The following ARHGEF26 variants were observed in gnomAD, a reference collection of about 807,000 sequenced individuals.
ARHGEF26 encodes the protein Rho guanine nucleotide exchange factor 26.
A neutral mutation model predicts 89.4 loss-of-function variants in ARHGEF26; 59 were observed. The ratio of observed to expected loss-of-function variants is 0.66; its 90% CI spans 0.54 to 0.82. The LOEUF is 0.82. Ranked by LOEUF, ARHGEF26 falls within the 40% of genes least tolerant of loss-of-function variation. The pLI, the probability that ARHGEF26 is intolerant of heterozygous loss-of-function variation, is 0.00. For missense variants in ARHGEF26, 1,234 were observed against 1,085.6 expected (o/e 1.14, Z -1.92); for synonymous variants, 500 against 428.4 (o/e 1.17, Z -2.06).
chr3:154,175,082 A>C (rs1350571903), intron 6 of ARHGEF26, among the ~76,000 whole-genome samples: 1 of 152,172 alleles, frequency 6.6e-6, no homozygotes, highest in African/African-American at 2.4e-5. Flanking sequence ...AAAAAATTGA[A>C]TTTACCATTC....
At chr3:154,162,038 G>C (rs1158576695) in intron 6 of ARHGEF26, among the ~76,000 whole-genome samples, 1 of 152,202 alleles carries the variant, frequency 6.6e-6, no homozygotes, top group Admixed American at 6.5e-5. Flanking sequence ...GGTTGGGACA[G>C]ACTAAAGTGT....
intron 6 of ARHGEF26, among the ~76,000 whole-genome samples, chr3:154,160,367 A>G (rs1711584456): frequency 1.3e-5 from 2 of 152,174 alleles, no homozygotes; most frequent in African/African-American, 4.8e-5. Context: ...CCTTTGGATA[A>G]GACCTCAGGA....
At chr3:154,230,316 G>C (rs1012832382) in intron 11 of ARHGEF26, among the ~76,000 whole-genome samples, 4 of 152,186 alleles carry the variant, frequency 2.6e-5, no homozygotes, top group Non-Finnish European at 5.9e-5. Flanking sequence ...GAGGAAAAGA[G>C]AGATAAAATA....
At chr3:154,198,895 G>C (rs1576767019) in intron 9 of ARHGEF26, among the ~76,000 whole-genome samples, 1 of 152,130 alleles carries the variant, frequency 6.6e-6, no homozygotes, top group East Asian at 1.9e-4. Flanking sequence ...TTATAGATAA[G>C]TAGATACAAA....
At chr3:154,193,742 C>G (rs1228375235) in intron 8 of ARHGEF26, among the ~76,000 whole-genome samples, 1 of 152,104 alleles carries the variant, frequency 6.6e-6, no homozygotes, top group Non-Finnish European at 1.5e-5. Context: ...CGTGAATTGA[C>G]CCTGTTTGAC....
chr3:154,121,282 G>T (rs1717876468), upstream of ARHGEF26: 1 of 152,470 alleles, frequency 6.6e-6, no homozygotes, highest in African/African-American at 2.4e-5. Flanking sequence ...TTGTAGGCAC[G>T]CGGGGGCGGG....
chr3:154,208,072 A>G (rs573819068), intron 9 of ARHGEF26, among the ~76,000 whole-genome samples: 5 of 152,290 alleles, frequency 3.3e-5, no homozygotes, highest in South Asian at 2.1e-4. Flanking sequence ...GGGGGAAACA[A>G]CATACACTGG....
intron 9 of ARHGEF26, among the ~76,000 whole-genome samples, chr3:154,203,936 C>A (rs1371976196): frequency 6.6e-6 from 1 of 150,874 alleles, no homozygotes; most frequent in African/African-American, 2.4e-5. Context: ...TAATATTAAT[C>A]ATAGATATTG....
intron 11 of ARHGEF26, among the ~76,000 whole-genome samples, chr3:154,229,444 G>C (rs1716698563): frequency 1.3e-5 from 2 of 152,198 alleles, no homozygotes; most frequent in South Asian, 2.1e-4. Flanking sequence ...GGTTCTACCA[G>C]ATTTCAAAAG....
chr3:154,229,570 T>C (rs12485755), intron 11 of ARHGEF26, among the ~76,000 whole-genome samples: 18,227 of 152,172 alleles, frequency 0.12, 1,889 homozygotes, highest in East Asian at 0.53. Flanking sequence ...CTTGGCACGA[T>C]TGACATTTTG....
At chr3:154,198,495 T>C (rs1714423058) in intron 9 of ARHGEF26, among the ~76,000 whole-genome samples, 1 of 152,046 alleles carries the variant, frequency 6.6e-6, no homozygotes, top group Non-Finnish European at 1.5e-5. Flanking sequence ...CATCAACCAA[T>C]GAATGGGTAA....
At chr3:154,121,815 G>T (rs1276089745) in intron 1 of ARHGEF26, 127 bp from the exon 2 acceptor site, 2 of 824,226 alleles carry the variant, frequency 2.4e-6, no homozygotes, top group Non-Finnish European at 1.8e-6. Flanking sequence ...CCCGAGAAAG[G>T]GCGGGTAAGT....
chr3:154,254,329 A>ACACT (rs1718345727), intron 13 of ARHGEF26, among the ~76,000 whole-genome samples: 1 of 152,046 alleles, frequency 6.6e-6, no homozygotes, highest in African/African-American at 2.4e-5. Flanking sequence ...GGATGGGGAG[A>ACACT]CACTCTGATG....
chr3:154,219,320 C>T (rs1018133215), intron 10 of ARHGEF26, among the ~76,000 whole-genome samples: 1 of 151,990 alleles, frequency 6.6e-6, no homozygotes, highest in African/African-American at 2.4e-5. Context: ...CTAGGCCGGG[C>T]GAGGTGGCTC....
intron 6 of ARHGEF26, among the ~76,000 whole-genome samples, chr3:154,170,027 C>CT (rs1712319635): frequency 6.6e-6 from 1 of 151,874 alleles, no homozygotes; most frequent in Non-Finnish European, 1.5e-5. Flanking sequence ...TCATTCTACC[C>CT]TAAGGTACAG....
chr3:154,255,276 G>A (rs1281170169), intron 14 of ARHGEF26, 55 bp from the exon 15 acceptor site: 8 of 1,569,578 alleles, frequency 5.1e-6, no homozygotes, highest in African/African-American at 1.4e-5. Flanking sequence ...TATCCTTGGA[G>A]CCTGGCACAC....
chr3:154,207,742 C>T (rs1715113926), intron 9 of ARHGEF26, among the ~76,000 whole-genome samples: 1 of 152,184 alleles, frequency 6.6e-6, no homozygotes, highest in African/African-American at 2.4e-5. Context: ...AATCCTATTA[C>T]TGGGTATGCA....
At chr3:154,166,366 G>C (rs1712038316) in intron 6 of ARHGEF26, among the ~76,000 whole-genome samples, 1 of 152,266 alleles carries the variant, frequency 6.6e-6, no homozygotes, top group Admixed American at 6.5e-5. Context: ...TATTTTTAAT[G>C]TGGGAAAGAG....
chr3:154,156,928 A>G (rs1878795), intron 6 of ARHGEF26, among the ~76,000 whole-genome samples: 21,860 of 152,168 alleles, frequency 0.14, 1,871 homozygotes, highest in East Asian at 0.36. Flanking sequence ...AATTATAGCT[A>G]TAGGTGATGA....
Sources: gnomAD v4.1 joint callset for allele counts (sites outside exome capture counted in the v4.1 genomes callset) on GRCh38, gnomAD v4.1.1 for gene constraint, MANE v1.5 for transcripts, NCBI Gene and HGNC (gene_info 2026-07-23, HGNC 2026-07-21) for gene names.